NRXN3: variants seen among roughly 807,000 people sequenced by gnomAD.
NRXN3 encodes the protein neurexin 3, also known as neurexin III.
Under a neutral mutation model 137.6 loss-of-function variants are expected in NRXN3, and 32 were observed. That is an observed-to-expected ratio of 0.23 (90% CI 0.18 to 0.31). NRXN3 has a LOEUF of 0.31. Ranked by LOEUF, NRXN3 falls within the 10% of genes least tolerant of loss-of-function variation. The pLI is 1.00. For missense variants in NRXN3, 1,574 were observed against 2,062.5 expected (o/e 0.76, Z 4.59); for synonymous variants, 798 against 784.5 (o/e 1.02, Z -0.29).
intron 15 of NRXN3, among the ~76,000 whole-genome samples, chr14:79,385,790 G>T (rs921805473): frequency 6.6e-6 from 1 of 152,124 alleles, no homozygotes; most frequent in Non-Finnish European, 1.5e-5. Flanking sequence ...GGGATGCAAG[G>T]CTGGTTAAAC....
chr14:79,406,122 A>G (rs867084535), intron 15 of NRXN3, among the ~76,000 whole-genome samples: 2 of 152,102 alleles, frequency 1.3e-5, no homozygotes, highest in African/African-American at 2.4e-5. Context: ...TTATTTCCCT[A>G]TCACCATAGT....
intron 15 of NRXN3, among the ~76,000 whole-genome samples, chr14:79,008,196 G>A (rs74348672): frequency 0.022 from 3,364 of 152,130 alleles, 104 homozygotes; most frequent in African/African-American, 0.062. Flanking sequence ...AAACCTTGTC[G>A]CCCCAAATCA....
intron 10 of NRXN3, among the ~76,000 whole-genome samples, chr14:78,934,227 G>T (rs1351542620): frequency 6.6e-6 from 1 of 150,652 alleles, no homozygotes; most frequent in Admixed American, 6.6e-5. Flanking sequence ...TAGAGACCCT[G>T]CTAAATGTAT....
chr14:79,790,865 C>T (rs1298967727), intron 19 of NRXN3, among the ~76,000 whole-genome samples: 2 of 151,892 alleles, frequency 1.3e-5, no homozygotes, highest in African/African-American at 4.8e-5. Context: ...ATGATCCACC[C>T]GCCTTGGCCT....
At chr14:79,613,702 T>C (rs572393378) in intron 16 of NRXN3, among the ~76,000 whole-genome samples, 3 of 152,372 alleles carry the variant, frequency 2.0e-5, no homozygotes, top group African/African-American at 7.2e-5. Context: ...CTTACTTATT[T>C]CACCCAGTAT....
At chr14:78,892,900 C>T (rs1476583012) in intron 10 of NRXN3, among the ~76,000 whole-genome samples, 1 of 151,526 alleles carries the variant, frequency 6.6e-6, no homozygotes, top group Non-Finnish European at 1.5e-5. Flanking sequence ...AATGTTGCTG[C>T]TTGCTAGTGC....
intron 10 of NRXN3, among the ~76,000 whole-genome samples, chr14:78,933,441 G>A (rs2099327556): frequency 1.3e-5 from 2 of 152,168 alleles, no homozygotes; most frequent in Admixed American, 1.3e-4. Flanking sequence ...CTGATCTTTA[G>A]TTATTTGACA....
At chr14:78,773,642 C>A (rs1297346561) in intron 8 of NRXN3, among the ~76,000 whole-genome samples, 1 of 152,078 alleles carries the variant, frequency 6.6e-6, no homozygotes, top group Non-Finnish European at 1.5e-5. Context: ...TCTTTTCCAG[C>A]TCATATGCTG....
intron 4 of NRXN3, among the ~76,000 whole-genome samples, chr14:78,390,929 T>TC (rs1165144571): frequency 6.6e-6 from 1 of 152,160 alleles, no homozygotes; most frequent in Non-Finnish European, 1.5e-5. Flanking sequence ...CCTAATGCTC[T>TC]CCCCACCTCC....
intron 4 of NRXN3, among the ~76,000 whole-genome samples, chr14:78,406,602 C>T (rs1567501759): frequency 6.6e-6 from 1 of 152,180 alleles, no homozygotes; most frequent in Non-Finnish European, 1.5e-5. Context: ...GCAAGGGGAG[C>T]AGAAATCCTC....
chr14:78,900,247 A>T (rs2099191264), intron 10 of NRXN3, among the ~76,000 whole-genome samples: 1 of 151,862 alleles, frequency 6.6e-6, no homozygotes, highest in Non-Finnish European at 1.5e-5. Context: ...TGACACCTAA[A>T]GAGGGCCCTT....
intron 19 of NRXN3, among the ~76,000 whole-genome samples, chr14:79,790,461 C>T (rs1178596161): frequency 5.9e-5 from 9 of 151,888 alleles, no homozygotes; most frequent in Admixed American, 3.3e-4. Flanking sequence ...CACCACCACA[C>T]CTAATGTTTA....
intron 15 of NRXN3, among the ~76,000 whole-genome samples, chr14:79,249,272 G>A (rs886420486): frequency 6.6e-6 from 1 of 152,154 alleles, no homozygotes; most frequent in Non-Finnish European, 1.5e-5. Context: ...TTACAAAACT[G>A]TGTCTGGCAC....
chr14:79,397,807 C>A (rs2095069485), intron 15 of NRXN3, among the ~76,000 whole-genome samples: 1 of 152,146 alleles, frequency 6.6e-6, no homozygotes, highest in South Asian at 2.1e-4. Context: ...TTTAGAAAGA[C>A]ACATTGACAA....
rs998260473 is a variant in NRXN3 at position 78,892,821 on chromosome 14, TAAG to T, written c.2276-64417_2276-64415del. ...GTGTGTGTGTGTGTGTGGTGTTTGC[TAAG>T]AAGGAGTCACACGGCTGCTTTTGAA... On this transcript the variant is annotated intron_variant, in intron 10 of 20. Coordinates refer to ENST00000335750, the MANE Select transcript of NRXN3 (RefSeq NM_001330195.2). Among the ~76,000 whole-genome samples the T allele has an allele frequency of 9.0e-4, 134 of 149,534 alleles. 2 individuals are homozygous for T. Among genetic ancestry groups the T allele is most frequent in the African/African-American group, 2.9e-3 (119 of 40,796 alleles).
At chr14:79,041,182 C>T (rs2099624468) in intron 15 of NRXN3, among the ~76,000 whole-genome samples, 4 of 152,204 alleles carry the variant, frequency 2.6e-5, no homozygotes, top group Admixed American at 2.6e-4. Flanking sequence ...TTTCTCAATA[C>T]TTGGCACATT....
At chr14:79,514,884 C>T (rs547455198) in intron 16 of NRXN3, among the ~76,000 whole-genome samples, 1 of 141,552 alleles carries the variant, frequency 7.1e-6, no homozygotes, top group Non-Finnish European at 1.5e-5. Context: ...TTTTCTCTCA[C>T]CGATTCTGTC....
intron 2 of NRXN3, among the ~76,000 whole-genome samples, chr14:78,255,916 A>G (rs752250012): frequency 1.8e-4 from 27 of 152,204 alleles, no homozygotes; most frequent in Non-Finnish European, 3.4e-4. Context: ...AAATTAATCA[A>G]TGAAGTCAGG....
Position 79,442,311 on chromosome 14 carries a change from T to A in NRXN3, c.3263-24910T>A, listed in dbSNP as rs540706568. Among the ~76,000 whole-genome samples, 7 of 152,290 alleles carry A rather than the reference T, an allele frequency of 4.6e-5. No homozygotes were observed. In the South Asian group the frequency reaches 1.5e-3, roughly 32 times the overall value. On this transcript the variant is annotated intron_variant, in intron 15 of 20. Coordinates refer to ENST00000335750, the MANE Select transcript of NRXN3 (RefSeq NM_001330195.2). ...GAAAACAGAACCAAGTTTGCTATAA[T>A]TTGGAGAGACAAAACTAAGCTAAGA...
Sources: gnomAD v4.1 joint callset for allele counts (sites outside exome capture counted in the v4.1 genomes callset) on GRCh38, gnomAD v4.1.1 for gene constraint, MANE v1.5 for transcripts, NCBI Gene and HGNC (gene_info 2026-07-23, HGNC 2026-07-21) for gene names.